The following PLEKHH1 variants were observed in gnomAD, a reference collection of about 807,000 sequenced individuals.
PLEKHH1 encodes pleckstrin homology domain-containing family H member 1.
A neutral mutation model predicts 160.0 loss-of-function variants in PLEKHH1; 104 were observed. The observed-to-expected ratio is 0.65, with a 90% CI of 0.55 to 0.76. The LOEUF is 0.76. PLEKHH1 is among the 30% of genes least tolerant of loss of function. PLEKHH1 has a pLI of 0.00. For missense variants in PLEKHH1, 1,427 were observed against 1,724.1 expected (o/e 0.83, Z 3.05); for synonymous variants, 619 against 678.4 (o/e 0.91, Z 1.36).
intron 7 of PLEKHH1, 41 bp from the exon 8 acceptor site, chr14:67,569,097 A>G (rs778544669): frequency 7.1e-7 from 1 of 1,405,986 alleles, no homozygotes; most frequent in Non-Finnish European, 1.0e-6. Context: ...TGGGATGGGC[A>G]TCATGCCGGG....
chr14:67,564,106 T>G (rs894057384), intron 7 of PLEKHH1, among the ~76,000 whole-genome samples: 12 of 152,006 alleles, frequency 7.9e-5, no homozygotes, highest in Admixed American at 5.9e-4. Flanking sequence ...TTTCACCATG[T>G]TAGCCAGGAT....
rs61534804 is a variant in PLEKHH1 at position 67,574,344 on chromosome 14, G to C, written c.2029G>C (p.Gly677Arg). ...GAGCCTGCTGAAGGTGCAGGCCACCGGGCCTCCAGCTCTGCTTCGGGGTGG... is the reference window on the plus strand; with the variant it reads ...GAGCCTGCTGAAGGTGCAGGCCACCCGGCCTCCAGCTCTGCTTCGGGGTGG... ...LQSLLKVQAT[G>R]PPALLRGGTK... is the part of the protein sequence containing the mutation. Residue 677 changes from glycine to arginine, a missense_variant, in exon 14 of 29, where the codon GGG becomes CGG. Physicochemically the swap from Gly to Arg is moderately radical, Grantham distance 125. Around this residue, in one of 6 missense-constraint regions of PLEKHH1, gnomAD observed 831 missense variants for 929.2 expected, o/e 0.89. Coordinates refer to ENST00000329153, the MANE Select transcript of PLEKHH1 (RefSeq NM_020715.3). The surrounding 1 kb of genome is among the most constrained non-coding windows in gnomAD (Gnocchi z 4.2). The C allele has an allele frequency of 6.3e-7, 1 of 1,597,806 alleles. No homozygotes were observed. The highest frequency in any genetic ancestry group is 8.5e-7 in the Non-Finnish European group (1 of 1,172,292).
chr14:67,572,282 G>A lies in PLEKHH1; in HGVS notation c.1728+5G>A. 1 of 1,589,630 alleles carries A rather than the reference G, an allele frequency of 6.3e-7. No individual in the cohort carries two copies. Among genetic ancestry groups the A allele is most frequent in the Non-Finnish European group, 8.5e-7 (1 of 1,171,196 alleles). The stretch of plus-strand genomic sequence containing the variant: ...GACGGGCTGGGCCTGGGCGGGGTGA[G>A]CCGGGAAACGGGCGGGGGCAGGGTG... On this transcript the variant is annotated splice_donor_5th_base_variant and intron_variant, in intron 11 of 28. Coordinates refer to ENST00000329153, the MANE Select transcript of PLEKHH1 (RefSeq NM_020715.3).
At chr14:67,536,432 A>G (rs1010232675) in intron 1 of PLEKHH1, among the ~76,000 whole-genome samples, 1 of 151,830 alleles carries the variant, frequency 6.6e-6, no homozygotes, top group African/African-American at 2.4e-5. Flanking sequence ...TGGAAGTCAT[A>G]CAGATACTCA....
chr14:67,584,156 C>A, intron 26 of PLEKHH1, 32 bp downstream of exon 26: 1 of 1,603,488 alleles, frequency 6.2e-7, no homozygotes, highest in Non-Finnish European at 8.5e-7. Flanking sequence ...TGCCCACACC[C>A]TTAGGTGTGT....
Position 67,541,958 on chromosome 14 carries a change from C to G in PLEKHH1, c.91C>G (p.Gln31Glu), listed in dbSNP as rs1248416873. The change falls in exon 2 of 29, where the codon CAG becomes GAG. Residue 31 changes from glutamine to glutamate, a missense_variant. By Grantham distance (29) the Gln-to-Glu change is conservative. This residue lies in a region of PLEKHH1 where 831 missense variants were observed against 929.2 expected (regional missense o/e 0.89). Coordinates refer to ENST00000329153, the MANE Select transcript of PLEKHH1 (RefSeq NM_020715.3). ...LETQLFRFRLQASKIRELLAD... is the reference protein window; with the variant it reads ...LETQLFRFRLEASKIRELLAD... ...AACTCAGCTTTTCCGGTTCCGCCTACAGGCCAGCAAGATAAGGGAGCTGCT... is the reference window on the plus strand; with the variant it reads ...AACTCAGCTTTTCCGGTTCCGCCTAGAGGCCAGCAAGATAAGGGAGCTGCT... The G allele has an allele frequency of 1.2e-6, 2 of 1,607,794 alleles. No homozygotes were observed. Among genetic ancestry groups the G allele is most frequent in the Admixed American group, 3.4e-5 (2 of 59,306 alleles).
chr14:67,574,533 C>G lies in PLEKHH1; in HGVS notation c.2088+130C>G. 1 of 684,616 alleles carries G rather than the reference C, an allele frequency of 1.5e-6. No homozygotes were observed. Among genetic ancestry groups the G allele is most frequent in the Non-Finnish European group, 2.2e-6 (1 of 446,676 alleles). The allele number at this position is 684,616 out of a possible 1,614,324, so 42.4% of individuals were successfully genotyped here. On this transcript the variant is annotated intron_variant, in intron 14 of 28. Transcript: ENST00000329153. The surrounding 1 kb of genome is among the most constrained non-coding windows in gnomAD (Gnocchi z 4.2). The stretch of plus-strand genomic sequence containing the variant: ...TTCTCTGGGAGCCTCCTCACAGTGA[C>G]TCGCTGGCCAGCCCTCAAACGTGGT...
intron 11 of PLEKHH1, 25 bp downstream of exon 11, chr14:67,572,302 AG>A (rs1173283838): frequency 6.6e-7 from 1 of 1,522,122 alleles, no homozygotes; most frequent in Admixed American, 1.9e-5. Flanking sequence ...GGGCGGGGGC[AG>A]GGTGGAAGCA....
rs996543051 is a variant in PLEKHH1 at position 67,569,950 on chromosome 14, G to T, written c.1372G>T (p.Gly458Trp). ...AAGCCCTCCTGCCCTTGTTTCCCCT[G>T]GGTCTTTCTCTGGCCTGGTCTACAA... Reference protein sequence around the residue: ...ASSPPALVSPGSFSGLVYKNV... With the variant: ...ASSPPALVSPWSFSGLVYKNV... Residue 458 changes from glycine (G) to tryptophan (W), a missense_variant, in exon 9 of 29, where the codon GGG becomes TGG. Gly to Trp is a radical substitution (Grantham distance 184). This residue lies in a region of PLEKHH1 where 831 missense variants were observed against 929.2 expected (regional missense o/e 0.89). Coordinates refer to ENST00000329153, the MANE Select transcript of PLEKHH1 (RefSeq NM_020715.3). The T allele has an allele frequency of 2.5e-6, 4 of 1,610,078 alleles. No individual in the cohort carries two copies. In the African/African-American group the frequency reaches 5.3e-5, roughly 22 times the overall value.
rs10162 is a variant in PLEKHH1, at chr14:67,589,375, T to A, written c.*2140T>A. The A allele has an allele frequency of 1.0e-6, 1 of 984,550 alleles. No individual in the cohort carries two copies. Among genetic ancestry groups the A allele is most frequent in the Admixed American group, 6.2e-5 (1 of 16,254 alleles). 61.0% of individuals were successfully genotyped at this position (984,550 alleles called of 1,614,324 possible). Reference sequence around the variant, plus strand: ...CCCATGTCTGAAAACCAAAGTCCAATTTCTGTCTGGCCTTTTGTCTCATCC... The same window carrying A: ...CCCATGTCTGAAAACCAAAGTCCAAATTCTGTCTGGCCTTTTGTCTCATCC... On this transcript the variant is annotated 3_prime_UTR_variant, in exon 29 of 29. Transcript: ENST00000329153.
chr14:67,556,821 T>C lies in PLEKHH1; in HGVS notation c.190-448T>C, dbSNP rs530570404. On this transcript the variant is annotated intron_variant, in intron 3 of 28. Coordinates refer to ENST00000329153, the MANE Select transcript of PLEKHH1 (RefSeq NM_020715.3). The stretch of plus-strand genomic sequence containing the variant: ...GACCCCATTGGTTGGATCAATGACA[T>C]GGCTCCATCTAGCTGCAGAAGGGTT... Among the ~76,000 whole-genome samples the C allele has an allele frequency of 8.6e-4, 131 of 152,328 alleles. 1 individual carries two copies. Among genetic ancestry groups the C allele is most frequent in the Non-Finnish European group, 1.6e-3 (108 of 68,028 alleles).
chr14:67,579,638 T>C, intron 21 of PLEKHH1, 83 bp from the exon 22 acceptor site: 1 of 1,369,732 alleles, frequency 7.3e-7, no homozygotes, highest in South Asian at 1.4e-5. Context: ...CCTTTCCACC[T>C]GCTGTATCCA....
Position 67,579,182 on chromosome 14 carries a change from G to T in PLEKHH1, c.2898G>T (p.Arg966=). Residue 966 remains arginine (R), a synonymous_variant, in exon 21 of 29, where the codon CGG becomes CGT. Transcript: ENST00000329153. ...CCTACTGCCAGCGGGCAGTGGAGCG[G>T]ACCCTGCGGACCGGGGAGCGGGAAG... is the stretch of plus-strand genomic sequence containing the variant. ...YATYCQRAVE[R]TLRTGEREAR... The T allele has an allele frequency of 1.2e-6, 2 of 1,609,614 alleles. No homozygotes were observed. Among genetic ancestry groups the T allele is most frequent in the Non-Finnish European group, 1.7e-6 (2 of 1,178,648 alleles).
At chr14:67,577,983 G>T in intron 18 of PLEKHH1, 40 bp from the exon 19 acceptor site, 1 of 1,584,278 alleles carries the variant, frequency 6.3e-7, no homozygotes, top group South Asian at 1.1e-5. Context: ...TGAACCCAGG[G>T]GATGCTGGTC....
intron 9 of PLEKHH1, 96 bp from the exon 10 acceptor site, chr14:67,571,656 A>C: frequency 7.5e-7 from 1 of 1,335,806 alleles, no homozygotes; most frequent in South Asian, 1.2e-5. Context: ...GGGGTTGGCC[A>C]CACCATGGGC....
intron 2 of PLEKHH1, among the ~76,000 whole-genome samples, chr14:67,545,121 A>G (rs1212126278): frequency 6.6e-6 from 1 of 152,198 alleles, no homozygotes. Context: ...TAAGCAATCA[A>G]GCTCTAGGGT....
chr14:67,571,986 C>T (rs1300988884), intron 10 of PLEKHH1, 84 bp downstream of exon 10: 1 of 1,509,308 alleles, frequency 6.6e-7, no homozygotes, highest in African/African-American at 1.4e-5. Flanking sequence ...TGGGCGTCCC[C>T]ACTTGATCTG....
chr14:67,575,842 C>G lies in PLEKHH1; in HGVS notation c.2189C>G (p.Pro730Arg), dbSNP rs1399785912. The G allele has an allele frequency of 6.2e-7, 1 of 1,613,764 alleles. No individual in the cohort carries two copies. Among genetic ancestry groups the G allele is most frequent in the Non-Finnish European group, 8.5e-7 (1 of 1,179,744 alleles). ...HEDKRPLGCL[P>R]VRDAHIEEVD... is the part of the protein sequence containing the mutation. The stretch of plus-strand genomic sequence containing the variant: ...CCACAGCGACCCCTGGGCTGCCTGC[C>G]TGTGCGGGATGCGCACATAGAGGAA... Residue 730 changes from proline to arginine, a missense_variant, in exon 16 of 29, where the codon CCT (proline) becomes CGT (arginine). Physicochemically the swap from Pro to Arg is moderately radical, Grantham distance 103 (BLOSUM62 -2). This residue lies in a region of PLEKHH1 where 831 missense variants were observed against 929.2 expected (regional missense o/e 0.89). Transcript: ENST00000329153.
chr14:67,563,699 C>T (rs2034950536), intron 7 of PLEKHH1, among the ~76,000 whole-genome samples: 1 of 147,550 alleles, frequency 6.8e-6, no homozygotes, highest in South Asian at 2.2e-4. Flanking sequence ...TCCCAAAGTG[C>T]TGGGATTGTA....
Sources: gnomAD v4.1 joint callset for allele counts (sites outside exome capture counted in the v4.1 genomes callset) on GRCh38, gnomAD v4.1.1 for gene constraint, gnomAD v4.1.1 regional missense constraint, Gnocchi (gnomAD v3.1) non-coding constraint, MANE v1.5 for transcripts, NCBI Gene and HGNC (gene_info 2026-07-23, HGNC 2026-07-21) for gene names.